CLSTN2: variants seen among roughly 807,000 people sequenced by gnomAD.
The protein encoded by CLSTN2 is calsyntenin 2, also known as calsyntenin-2.
CLSTN2 carries 48 observed loss-of-function variants against 101.2 expected under a neutral mutation model. That is an observed-to-expected ratio of 0.47 (90% CI 0.38 to 0.60). The LOEUF (loss-of-function observed/expected upper bound fraction) is 0.60. Ranked by LOEUF, CLSTN2 falls within the 20% of genes least tolerant of loss-of-function variation. CLSTN2 has a pLI of 0.00. For missense variants in CLSTN2, 1,160 were observed against 1,238.2 expected (o/e 0.94, Z 0.95); for synonymous variants, 481 against 463.6 (o/e 1.04, Z -0.48).
intron 12 of CLSTN2, among the ~76,000 whole-genome samples, chr3:140,559,307 A>G (rs1244714097): frequency 1.3e-5 from 2 of 152,150 alleles, no homozygotes; most frequent in Non-Finnish European, 2.9e-5. Context: ...TATAGTGGGC[A>G]TGTGTTATTC....
chr3:140,049,098 C>A (rs1425869926), intron 1 of CLSTN2, among the ~76,000 whole-genome samples: 3 of 152,200 alleles, frequency 2.0e-5, no homozygotes, highest in African/African-American at 4.8e-5. Flanking sequence ...AGGGACTGGG[C>A]AAGCATGGGG....
intron 5 of CLSTN2, among the ~76,000 whole-genome samples, chr3:140,447,225 G>A (rs1168650478): frequency 6.6e-6 from 1 of 152,240 alleles, no homozygotes. Flanking sequence ...AATGTTCTAT[G>A]TGACAAACAT....
chr3:140,101,500 A>G (rs2008965747), intron 1 of CLSTN2, among the ~76,000 whole-genome samples: 1 of 152,110 alleles, frequency 6.6e-6, no homozygotes, highest in South Asian at 2.1e-4. Context: ...TGGTTCTCAA[A>G]TTTCCTTTGT....
chr3:140,542,175 G>T lies in CLSTN2; in HGVS notation c.1508-4340G>T, dbSNP rs182698599. On this transcript the variant is annotated intron_variant, in intron 9 of 16. Coordinates refer to ENST00000458420, the MANE Select transcript of CLSTN2 (RefSeq NM_022131.3). ...GTTGGACACATTGCCTATATCAATT[G>T]TTTGGAAATGAATCATATCCTGCCT... is the stretch of plus-strand genomic sequence containing the variant. 1.1e-4 allele frequency among the ~76,000 whole-genome samples: 16 copies of T among 152,136 alleles called. No individual in the cohort carries two copies. The East Asian group carries it at 2.7e-3, about 26-fold the overall frequency.
rs1361962511 is a variant in CLSTN2 at position 139,935,922 on chromosome 3, C to A, written c.109+439C>A. Among the ~76,000 whole-genome samples the A allele has an allele frequency of 6.6e-6, 1 of 152,020 alleles. No individual in the cohort carries two copies. Among genetic ancestry groups the A allele is most frequent in the East Asian group, 1.9e-4 (1 of 5,146 alleles). ...CCGAGCTGTGACTTGTCTCCCAGCT[C>A]GGGGATGGAGTGGAAACTTGTAGGC... On this transcript the variant is annotated intron_variant, in intron 1 of 16. Transcript: ENST00000458420. The surrounding 1 kb of genome is among the most constrained non-coding windows in gnomAD (Gnocchi z 5.5).
chr3:140,283,368 C>A (rs183926025), intron 2 of CLSTN2, among the ~76,000 whole-genome samples: 1 of 152,186 alleles, frequency 6.6e-6, no homozygotes, highest in African/African-American at 2.4e-5. Context: ...CACATGCCTG[C>A]ACACACTAGT....
chr3:140,498,780 C>A (rs1485905196), intron 8 of CLSTN2, among the ~76,000 whole-genome samples: 3 of 152,156 alleles, frequency 2.0e-5, no homozygotes, highest in Middle Eastern at 3.2e-3. Flanking sequence ...GCTGTTGTCA[C>A]CACCTCTTTA....
intron 2 of CLSTN2, among the ~76,000 whole-genome samples, chr3:140,271,300 C>T (rs1263217279): frequency 1.3e-5 from 2 of 152,112 alleles, no homozygotes; most frequent in African/African-American, 4.8e-5. Flanking sequence ...ATTTGGTGTG[C>T]CTCTGTTAGC....
At chr3:140,153,994 G>T (rs1224532213) in intron 1 of CLSTN2, among the ~76,000 whole-genome samples, 1 of 152,190 alleles carries the variant, frequency 6.6e-6, no homozygotes, top group African/African-American at 2.4e-5. Flanking sequence ...CACTGTCTAA[G>T]CTCCAGAGAA....
chr3:140,271,450 A>T (rs1394540550), intron 2 of CLSTN2, among the ~76,000 whole-genome samples: 7 of 152,320 alleles, frequency 4.6e-5, no homozygotes. Flanking sequence ...AATGACAGAA[A>T]TTTATTTCCC....
chr3:140,102,319 G>A (rs1395526560), intron 1 of CLSTN2, among the ~76,000 whole-genome samples: 1 of 152,172 alleles, frequency 6.6e-6, no homozygotes, highest in Non-Finnish European at 1.5e-5. Context: ...GATCTCCCAT[G>A]GACAATCTAG....
intron 2 of CLSTN2, among the ~76,000 whole-genome samples, chr3:140,242,236 A>G (rs1036900269): frequency 6.6e-6 from 1 of 152,138 alleles, no homozygotes; most frequent in Non-Finnish European, 1.5e-5. Flanking sequence ...ATACATAAAA[A>G]TAGAAGAAAC....
chr3:140,303,473 T>A (rs2087079728), intron 2 of CLSTN2, among the ~76,000 whole-genome samples: 1 of 152,158 alleles, frequency 6.6e-6, no homozygotes, highest in Non-Finnish European at 1.5e-5. Context: ...GTTTTCTGCT[T>A]GTAGAAGAGA....
chr3:140,411,423 A>G (rs115501788), intron 4 of CLSTN2, among the ~76,000 whole-genome samples: 2,369 of 152,372 alleles, frequency 0.016, 64 homozygotes, highest in African/African-American at 0.054. Context: ...GTGTAAATAT[A>G]TAAAGTAAAT....
chr3:140,345,393 C>T (rs111731200), intron 2 of CLSTN2, among the ~76,000 whole-genome samples: 2,814 of 151,722 alleles, frequency 0.019, 82 homozygotes, highest in African/African-American at 0.063. Context: ...GGATTACAGG[C>T]GCCTGCCACC....
rs1934014493 is a variant in CLSTN2 at position 140,477,538 on chromosome 3, A to G, written c.1344+10807A>G. ...GAGAGGCTATAGTGTTCCAATCCCTAAACTCTTGATTTACATACATTAGGT... is the reference window on the plus strand; with the variant it reads ...GAGAGGCTATAGTGTTCCAATCCCTGAACTCTTGATTTACATACATTAGGT... On this transcript the variant is annotated intron_variant, in intron 8 of 16. Coordinates refer to ENST00000458420, the MANE Select transcript of CLSTN2 (RefSeq NM_022131.3). Among the ~76,000 whole-genome samples the G allele has an allele frequency of 2.0e-5, 3 of 152,228 alleles. No homozygotes were observed. The South Asian group carries it at 6.2e-4, about 32-fold the overall frequency.
intron 2 of CLSTN2, among the ~76,000 whole-genome samples, chr3:140,369,006 G>A (rs544941235): frequency 1.3e-5 from 2 of 152,316 alleles, no homozygotes; most frequent in Non-Finnish European, 2.9e-5. Context: ...CTCCCTCACA[G>A]TGCATAATTT....
chr3:140,205,931 G>T (rs2107843916), intron 2 of CLSTN2, among the ~76,000 whole-genome samples: 1 of 152,228 alleles, frequency 6.6e-6, no homozygotes, highest in South Asian at 2.1e-4. Context: ...CATGCACTGT[G>T]CCCCTGAGGG....
chr3:140,415,834 A>G (rs2088426454), intron 4 of CLSTN2, among the ~76,000 whole-genome samples: 1 of 152,208 alleles, frequency 6.6e-6, no homozygotes, highest in Non-Finnish European at 1.5e-5. Flanking sequence ...TAGGTTCAGC[A>G]ATTCCACTTT....
Sources: allele counts gnomAD v4.1 joint callset (sites outside exome capture counted in the v4.1 genomes callset), GRCh38; gene constraint gnomAD v4.1.1; non-coding constraint Gnocchi (gnomAD v3.1); transcripts MANE v1.5; gene names NCBI Gene and HGNC (gene_info 2026-07-23, HGNC 2026-07-21).